G3BP2: variants seen among roughly 807,000 people sequenced by gnomAD.
G3BP2 encodes ras GTPase-activating protein-binding protein 2.
G3BP2 carries 11 observed loss-of-function variants against 56.7 expected under a neutral mutation model. The observed-to-expected ratio is 0.19, with a 90% confidence interval of 0.12 to 0.32. The LOEUF (loss-of-function observed/expected upper bound fraction) is 0.32. G3BP2 is among the 10% of genes least tolerant of loss of function. The pLI, the probability that G3BP2 is intolerant of heterozygous loss-of-function variation, is 1.00. For missense variants in G3BP2, 340 were observed against 610.9 expected, an observed-to-expected ratio of 0.56 and a Z score of 4.67; for synonymous variants, 165 against 191.6, an observed-to-expected ratio of 0.86 and a Z score of 1.15.
intron 3 of G3BP2, among the ~76,000 whole-genome samples, chr4:75,702,100 G>T (rs1050143023): frequency 6.6e-6 from 1 of 151,130 alleles, no homozygotes; most frequent in African/African-American, 2.4e-5. Flanking sequence ...TCTTCTAAAG[G>T]CCCTTTTAAA....
intron 3 of G3BP2, among the ~76,000 whole-genome samples, chr4:75,707,917 T>C (rs1454318225): frequency 6.6e-6 from 1 of 152,194 alleles, no homozygotes; most frequent in African/African-American, 2.4e-5. Context: ...CTACTGTTAC[T>C]ACAAATGACC....
intron 3 of G3BP2, among the ~76,000 whole-genome samples, chr4:75,712,842 C>A (rs1719807638): frequency 1.3e-5 from 2 of 151,788 alleles, no homozygotes; most frequent in African/African-American, 4.8e-5. Context: ...TAGATTAATA[C>A]AGTATGGAAG....
chr4:75,722,264 G>A (rs1397886955), intron 1 of G3BP2, among the ~76,000 whole-genome samples: 1 of 152,078 alleles, frequency 6.6e-6, no homozygotes, highest in Non-Finnish European at 1.5e-5. Flanking sequence ...AAGAAAACAG[G>A]TCAAATGCAG....
At chr4:75,691,748 A>C (rs1718866532) in intron 3 of G3BP2, among the ~76,000 whole-genome samples, 1 of 152,156 alleles carries the variant, frequency 6.6e-6, no homozygotes, top group Non-Finnish European at 1.5e-5. Flanking sequence ...CTACCTCTAC[A>C]GATTCTATTT....
chr4:75,647,364 G>C (rs1386074752), intron 9 of G3BP2, among the ~76,000 whole-genome samples: 12 of 152,120 alleles, frequency 7.9e-5, no homozygotes, highest in African/African-American at 2.7e-4. Context: ...ACAATGACTA[G>C]GTTGCTAAAA....
At chr4:75,658,727 C>CA (rs957118245) in intron 3 of G3BP2, 116 bp downstream of exon 3, 9,235 of 568,874 alleles carry the variant, frequency 0.016, no homozygotes, top group Middle Eastern at 0.02. Context: ...AACTCCGTCT[C>CA]AAAAAAAAAA....
At chr4:75,672,357 C>T (rs1380761437) in intron 1 of G3BP2, 1 of 152,162 alleles carries the variant, frequency 6.6e-6, no homozygotes, top group Non-Finnish European at 1.5e-5. Context: ...CTATCAGATT[C>T]CACTAACAAA....
intron 9 of G3BP2, among the ~76,000 whole-genome samples, chr4:75,647,939 C>G (rs1333421344): frequency 1.3e-5 from 2 of 152,100 alleles, no homozygotes; most frequent in African/African-American, 4.8e-5. Context: ...GTAAACAAGT[C>G]AAAAATCATG....
At chr4:75,700,979 C>T (rs1307146477) in intron 3 of G3BP2, among the ~76,000 whole-genome samples, 3 of 151,868 alleles carry the variant, frequency 2.0e-5, no homozygotes, top group Non-Finnish European at 4.4e-5. Context: ...GCTGGGATTA[C>T]AGGCATGCAC....
chr4:75,663,840 C>G (rs1263220968), intron 1 of G3BP2, among the ~76,000 whole-genome samples: 3 of 2,824 alleles, frequency 1.1e-3, no homozygotes, highest in African/African-American at 3.5e-3. Flanking sequence ...GCCTGGGCGA[C>G]AGAGCGAGAC....
rs1443570989 is a variant in G3BP2, at chr4:75,673,406, C to T, written c.-223G>A. On this transcript the variant is annotated 5_prime_UTR_variant, in exon 1 of 12. In the 5' UTR this introduces an upstream ATG that the reference lacks. Coordinates refer to ENST00000359707, the MANE Select transcript of G3BP2 (RefSeq NM_203505.3). Reference sequence around the variant, plus strand: ...GCGCTGCGACGTGCGACAAGGACCACGGACGTCCCGCCCCCTTTGCCACCG... The same window carrying T: ...GCGCTGCGACGTGCGACAAGGACCATGGACGTCCCGCCCCCTTTGCCACCG... 8.1e-7 allele frequency: 1 copy of T among 1,232,320 alleles called. No individual in the cohort carries two copies. The highest frequency in any genetic ancestry group is 1.5e-5 in the African/African-American group (1 of 64,562). 76.3% of individuals were successfully genotyped at this position (1,232,320 alleles called of 1,614,324 possible). A position where few individuals can be genotyped will look rare whatever the true frequency, so the allele number is the denominator to read the frequency against.
Position 75,645,696 on chromosome 4 carries a change from T to C in G3BP2, c.1183A>G (p.Met395Val). The C allele has an allele frequency of 6.2e-7, 1 of 1,613,434 alleles. No homozygotes were observed. Among genetic ancestry groups the C allele is most frequent in the South Asian group, 1.1e-5 (1 of 91,060 alleles). The change falls in exon 12 of 12, where the codon ATG becomes GTG. Residue 395 changes from methionine (M) to valine (V), a missense_variant. Coordinates refer to ENST00000359707, the MANE Select transcript of G3BP2 (RefSeq NM_203505.3). ...VQRILIAKPI[M>V]FRGEVRLNVE... is the part of the protein sequence containing the mutation. ...TTTAAACGTACTTCCCCTCGAAACA[T>C]AATCGGCTTTATAAAAGAGAAGAAA...
chr4:75,682,593 A>G (rs1359503896), intron 3 of G3BP2, among the ~76,000 whole-genome samples: 1 of 152,172 alleles, frequency 6.6e-6, no homozygotes, highest in Non-Finnish European at 1.5e-5. Flanking sequence ...AGGGTAGTAA[A>G]AAATCAACTG....
rs572498131 is a variant in G3BP2, at chr4:75,648,417, T to C, written c.928+222A>G. 3.9e-5 allele frequency among the ~76,000 whole-genome samples: 6 copies of C among 152,158 alleles called. No individual in the cohort carries two copies. The East Asian group carries it at 1.2e-3, about 29-fold the overall frequency. On this transcript the variant is annotated intron_variant, in intron 9 of 11. Transcript: ENST00000359707. ...AATAACCAAATAAGACTTAAGTCTT[T>C]TACACCTTCAAAATATGTCACCATG...
chr4:75,653,627 G>A (rs1004560637), intron 8 of G3BP2, among the ~76,000 whole-genome samples: 2 of 136,696 alleles, frequency 1.5e-5, no homozygotes, highest in Middle Eastern at 4.1e-3. Context: ...TCTTTATTAC[G>A]CCACACTACT....
chr4:75,703,177 A>C (rs543061034), intron 3 of G3BP2, among the ~76,000 whole-genome samples: 2 of 152,300 alleles, frequency 1.3e-5, no homozygotes, highest in East Asian at 1.9e-4. Flanking sequence ...AGACAGGAGG[A>C]GTCTCTTCCT....
intron 8 of G3BP2, among the ~76,000 whole-genome samples, chr4:75,652,500 C>T (rs1160029848): frequency 1.3e-5 from 2 of 152,078 alleles, no homozygotes; most frequent in Non-Finnish European, 2.9e-5. Flanking sequence ...CGGGCACCTA[C>T]AATCCCAGCT....
chr4:75,666,801 T>C (rs1423675941), intron 1 of G3BP2, among the ~76,000 whole-genome samples: 1 of 152,204 alleles, frequency 6.6e-6, no homozygotes, highest in African/African-American at 2.4e-5. Context: ...AATCCATTTC[T>C]AGATCTGGGA....
At chr4:75,661,359 C>T (rs372131580) in intron 2 of G3BP2, among the ~76,000 whole-genome samples, 43 of 152,102 alleles carry the variant, frequency 2.8e-4, no homozygotes, top group African/African-American at 1.0e-3. Context: ...AACTCCTGAC[C>T]CTCAAGTGAT....
Sources: allele counts gnomAD v4.1 joint callset (sites outside exome capture counted in the v4.1 genomes callset), GRCh38; gene constraint gnomAD v4.1.1; transcripts MANE v1.5; gene names NCBI Gene and HGNC (gene_info 2026-07-23, HGNC 2026-07-21).